The following XKR6 variants were observed in gnomAD, a reference collection of about 807,000 sequenced individuals.
XKR6 encodes the protein XK-related protein 6.
XKR6 carries 22 observed loss-of-function variants against 56.7 expected under a neutral mutation model. The observed-to-expected ratio is 0.39, with a 90% CI of 0.28 to 0.55. XKR6 has a LOEUF of 0.55. Ranked by LOEUF, XKR6 falls within the 20% of genes least tolerant of loss-of-function variation. The pLI is 0.66. For missense variants in XKR6, 852 were observed against 889.0 expected (o/e 0.96, Z 0.53); for synonymous variants, 524 against 387.8 (o/e 1.35, Z -4.13).
At chr8:11,003,742 T>C (rs961816485) in intron 1 of XKR6, among the ~76,000 whole-genome samples, 2 of 152,206 alleles carry the variant, frequency 1.3e-5, no homozygotes, top group Non-Finnish European at 2.9e-5. Context: ...TTTCTGTCAT[T>C]CCAAGCTGTC....
intron 1 of XKR6, chr8:11,106,099 CCTA>C (rs1268244848): frequency 6.6e-6 from 1 of 152,128 alleles, no homozygotes; most frequent in African/African-American, 2.4e-5. Flanking sequence ...AGAATAATAT[CCTA>C]CTTTCAGTGT....
intron 1 of XKR6, among the ~76,000 whole-genome samples, chr8:10,983,767 T>C (rs1036029625): frequency 6.6e-5 from 10 of 152,058 alleles, no homozygotes; most frequent in Non-Finnish European, 8.8e-5. Flanking sequence ...ACAATTCTCC[T>C]GTGTCAGCCT....
chr8:11,098,673 T>C (rs1305742014), intron 1 of XKR6, among the ~76,000 whole-genome samples: 1 of 152,234 alleles, frequency 6.6e-6, no homozygotes, highest in Non-Finnish European at 1.5e-5. Context: ...TTTTATAGTA[T>C]GTGGAAAGTT....
chr8:10,970,817 A>G (rs965325758), intron 1 of XKR6, among the ~76,000 whole-genome samples: 2 of 151,844 alleles, frequency 1.3e-5, no homozygotes, highest in African/African-American at 4.8e-5. Flanking sequence ...AAAAAAAAAA[A>G]AAAAACCTCT....
At chr8:10,953,552 T>A (rs1335630813) in intron 1 of XKR6, among the ~76,000 whole-genome samples, 1 of 152,228 alleles carries the variant, frequency 6.6e-6, no homozygotes, top group Non-Finnish European at 1.5e-5. Flanking sequence ...AAGAATGACC[T>A]AACACAGACG....
chr8:11,139,550 C>T (rs866133807), intron 1 of XKR6, among the ~76,000 whole-genome samples: 3 of 152,098 alleles, frequency 2.0e-5, no homozygotes, highest in Non-Finnish European at 4.4e-5. Flanking sequence ...CTAGATGAGC[C>T]TCACCTCCTG....
intron 1 of XKR6, among the ~76,000 whole-genome samples, chr8:11,092,733 T>C (rs565742150): frequency 1.8e-4 from 27 of 152,334 alleles, no homozygotes; most frequent in Admixed American, 1.4e-3. Context: ...TGGAGGAATC[T>C]TGGCCAGAAA....
intron 1 of XKR6, among the ~76,000 whole-genome samples, chr8:11,052,725 G>T (rs1457650878): frequency 1.5e-5 from 2 of 135,094 alleles, no homozygotes; most frequent in African/African-American, 6.0e-5. Context: ...CCCGACCCCT[G>T]TTTCCAGTTG....
intron 1 of XKR6, among the ~76,000 whole-genome samples, chr8:10,932,507 G>T (rs1483294201): frequency 7.0e-6 from 1 of 143,556 alleles, no homozygotes. Flanking sequence ...CATGTGCCAT[G>T]CCGGTGCGCT....
chr8:11,136,503 T>TG (rs1800409307), intron 1 of XKR6, among the ~76,000 whole-genome samples: 18 of 93,842 alleles, frequency 1.9e-4, no homozygotes, highest in African/African-American at 7.1e-4. Flanking sequence ...AAACTCTGTC[T>TG]CAAAAAAAAA....
chr8:11,194,103 G>A (rs1202486626), intron 1 of XKR6, among the ~76,000 whole-genome samples: 5 of 152,142 alleles, frequency 3.3e-5, no homozygotes, highest in Non-Finnish European at 7.3e-5. Context: ...TCAGCACCTA[G>A]GAGACATACA....
intron 1 of XKR6, among the ~76,000 whole-genome samples, chr8:10,949,647 G>C (rs779916901): frequency 6.6e-6 from 1 of 152,230 alleles, no homozygotes; most frequent in Non-Finnish European, 1.5e-5. Flanking sequence ...TATGTCTATT[G>C]TTATCCCCAT....
chr8:11,003,571 A>G (rs1041442475), intron 1 of XKR6, among the ~76,000 whole-genome samples: 1 of 152,192 alleles, frequency 6.6e-6, no homozygotes, highest in Non-Finnish European at 1.5e-5. Context: ...ACTGGGGAAT[A>G]CATTGTCTTT....
intron 1 of XKR6, among the ~76,000 whole-genome samples, chr8:11,031,105 A>G (rs1798982981): frequency 6.6e-6 from 1 of 152,154 alleles, no homozygotes; most frequent in East Asian, 1.9e-4. Context: ...CTTGTTTGAG[A>G]TGACCCTGTT....
chr8:11,083,395 G>T (rs1257879815), intron 1 of XKR6, among the ~76,000 whole-genome samples: 1 of 152,156 alleles, frequency 6.6e-6, no homozygotes, highest in Non-Finnish European at 1.5e-5. Flanking sequence ...AAAGGCAGCT[G>T]GGAGCCACCT....
chr8:10,937,965 C>G (rs6980908), intron 1 of XKR6, among the ~76,000 whole-genome samples: 69,782 of 148,788 alleles, frequency 0.47, 17,388 homozygotes, highest in African/African-American at 0.58. Flanking sequence ...TTTACCTAAG[C>G]AAGCCTGAGC....
intron 1 of XKR6, among the ~76,000 whole-genome samples, chr8:11,131,823 T>G (rs557078250): frequency 6.6e-6 from 1 of 152,202 alleles, no homozygotes; most frequent in Non-Finnish European, 1.5e-5. Context: ...TAGAGTAACG[T>G]GCTATACAGG....
At chr8:11,150,225 A>C (rs1377772546) in intron 1 of XKR6, among the ~76,000 whole-genome samples, 1 of 152,202 alleles carries the variant, frequency 6.6e-6, no homozygotes, top group African/African-American at 2.4e-5. Context: ...TAGCTACAAG[A>C]CAACTCAAAA....
intron 1 of XKR6, among the ~76,000 whole-genome samples, chr8:11,088,525 C>G (rs541791871): frequency 8.5e-5 from 13 of 152,172 alleles, no homozygotes; most frequent in African/African-American, 2.9e-4. Flanking sequence ...AATCTAGGCT[C>G]TCAGTAAATG....
Sources: allele counts gnomAD v4.1 joint callset (sites outside exome capture counted in the v4.1 genomes callset), GRCh38; gene constraint gnomAD v4.1.1; transcripts MANE v1.5; gene names NCBI Gene and HGNC (gene_info 2026-07-23, HGNC 2026-07-21).